The following HS6ST3 variants were observed in gnomAD, a reference collection of about 807,000 sequenced individuals.
HS6ST3 encodes the protein heparan sulfate 6-O-sulfotransferase 3.
A neutral mutation model predicts 36.7 loss-of-function variants in HS6ST3; 12 were observed. The observed-to-expected ratio is 0.33, with a 90% CI of 0.21 to 0.53. The LOEUF (loss-of-function observed/expected upper bound fraction) is 0.53, where lower values mean the gene tolerates loss of function less well. HS6ST3 is among the 20% of genes least tolerant of loss of function. The pLI, the probability that HS6ST3 is intolerant of heterozygous loss-of-function variation, is 0.95. For missense variants in HS6ST3, 584 were observed against 640.9 expected, an observed-to-expected ratio of 0.91 and a Z score of 0.96; for synonymous variants, 240 against 257.5, an observed-to-expected ratio of 0.93 and a Z score of 0.65.
At chr13:96,253,255 G>A (rs1323128795) in intron 1 of HS6ST3, among the ~76,000 whole-genome samples, 1 of 152,066 alleles carries the variant, frequency 6.6e-6, no homozygotes, top group African/African-American at 2.4e-5. Flanking sequence ...CTTGCTCCTA[G>A]ATGTCCCCAG....
intron 1 of HS6ST3, among the ~76,000 whole-genome samples, chr13:96,189,969 G>C (rs976427345): frequency 1.3e-5 from 2 of 152,142 alleles, no homozygotes; most frequent in African/African-American, 4.8e-5. Flanking sequence ...CATTGACTCA[G>C]ATCTTCTGAA....
chr13:96,145,234 C>T lies in HS6ST3; in HGVS notation c.707+53665C>T, dbSNP rs200557619. Reference sequence around the variant, plus strand: ...GATCCCTGAGGAATTGCCACATTGACTTCCACAATGGTTGAACTAGTTTAC... The same window carrying T: ...GATCCCTGAGGAATTGCCACATTGATTTCCACAATGGTTGAACTAGTTTAC... On this transcript the variant is annotated intron_variant, in intron 1 of 1. Transcript: ENST00000376705. Among the ~76,000 whole-genome samples the T allele has an allele frequency of 5.5e-4, 84 of 151,392 alleles. 1 individual carries two copies. The East Asian group carries it at 0.015, about 27-fold the overall frequency.
At chr13:96,747,012 A>G (rs534033087) in intron 1 of HS6ST3, among the ~76,000 whole-genome samples, 2 of 152,204 alleles carry the variant, frequency 1.3e-5, no homozygotes, top group African/African-American at 4.8e-5. Flanking sequence ...GACTTCCATT[A>G]TACTGCGAGA....
chr13:96,328,363 C>G (rs2139418874), intron 1 of HS6ST3, among the ~76,000 whole-genome samples: 1 of 151,526 alleles, frequency 6.6e-6, no homozygotes, highest in South Asian at 2.1e-4. Flanking sequence ...CCATCAATAC[C>G]TAATTTATTG....
chr13:96,252,044 G>T (rs1352397760), intron 1 of HS6ST3, among the ~76,000 whole-genome samples: 1 of 152,138 alleles, frequency 6.6e-6, no homozygotes, highest in Non-Finnish European at 1.5e-5. Flanking sequence ...AATGTTTCAT[G>T]TATGTCTGGT....
At chr13:96,762,351 G>T (rs1432056727) in intron 1 of HS6ST3, among the ~76,000 whole-genome samples, 1 of 152,088 alleles carries the variant, frequency 6.6e-6, no homozygotes, top group Non-Finnish European at 1.5e-5. Context: ...ATGGTGGTGG[G>T]TGCCTGTAAT....
chr13:96,617,997 A>G (rs1042159805), intron 1 of HS6ST3, among the ~76,000 whole-genome samples: 30 of 152,024 alleles, frequency 2.0e-4, no homozygotes, highest in African/African-American at 7.0e-4. Context: ...CTGAAACTCA[A>G]TAGTATACAT....
At chr13:96,108,657 C>T (rs899408235) in intron 1 of HS6ST3, among the ~76,000 whole-genome samples, 12 of 151,980 alleles carry the variant, frequency 7.9e-5, no homozygotes, top group African/African-American at 2.2e-4. Context: ...TCAGACCAGC[C>T]GACACTTAGG....
chr13:96,167,753 G>A (rs946075349), intron 1 of HS6ST3, among the ~76,000 whole-genome samples: 10 of 152,140 alleles, frequency 6.6e-5, no homozygotes, highest in African/African-American at 2.4e-4. Flanking sequence ...ATATGCAAGT[G>A]TCATATAGTA....
intron 1 of HS6ST3, among the ~76,000 whole-genome samples, chr13:96,309,473 G>C (rs909369363): frequency 5.9e-5 from 9 of 152,052 alleles, no homozygotes; most frequent in African/African-American, 1.9e-4. Flanking sequence ...TTACTTAGTG[G>C]AAAAATTTTC....
chr13:96,309,683 T>C (rs2054930868), intron 1 of HS6ST3, among the ~76,000 whole-genome samples: 1 of 152,180 alleles, frequency 6.6e-6, no homozygotes, highest in Non-Finnish European at 1.5e-5. Context: ...AGTAGTTGTT[T>C]TGGCAAAAAG....
In HS6ST3 at chr13:96,839,041, T is replaced by A. The variant is rs914606372; in HGVS notation, c.*5843T>A. 1 of 152,206 alleles carries A rather than the reference T, an allele frequency of 6.6e-6. No homozygotes were observed. The highest frequency in any genetic ancestry group is 2.4e-5 in the African/African-American group (1 of 41,448). 9.4% of individuals were successfully genotyped at this position (152,206 alleles called of 1,614,324 possible). A position where few individuals can be genotyped will look rare whatever the true frequency, so the allele number is the denominator to read the frequency against. On this transcript the variant is annotated 3_prime_UTR_variant, in exon 2 of 2. Coordinates refer to ENST00000376705, the MANE Select transcript of HS6ST3 (RefSeq NM_153456.4). ...CCTTTGGCACACTCAGTGGAACCTGTGTGAGCTACATGTTCTGCTGCATTA... is the reference window on the plus strand; with the variant it reads ...CCTTTGGCACACTCAGTGGAACCTGAGTGAGCTACATGTTCTGCTGCATTA...
chr13:96,195,357 G>T (rs2139348145), intron 1 of HS6ST3, among the ~76,000 whole-genome samples: 1 of 152,248 alleles, frequency 6.6e-6, no homozygotes, highest in Admixed American at 6.5e-5. Flanking sequence ...CTACTGTATA[G>T]CTTCGACGGT....
intron 1 of HS6ST3, among the ~76,000 whole-genome samples, chr13:96,763,946 T>C (rs1214706210): frequency 6.6e-6 from 1 of 152,176 alleles, no homozygotes; most frequent in Non-Finnish European, 1.5e-5. Context: ...TAAGCAGATT[T>C]TCAAAGGAAA....
intron 1 of HS6ST3, among the ~76,000 whole-genome samples, chr13:96,518,315 G>A (rs1278244562): frequency 6.6e-6 from 1 of 152,138 alleles, no homozygotes; most frequent in Non-Finnish European, 1.5e-5. Context: ...TAATGGGCAT[G>A]ATTGCAAACT....
chr13:96,779,316 CAAT>C (rs67524779), intron 1 of HS6ST3, among the ~76,000 whole-genome samples: 31,178 of 147,296 alleles, frequency 0.21, 5,278 homozygotes, highest in African/African-American at 0.48. Context: ...CTTAAAGTAT[CAAT>C]AATAATAATA....
intron 1 of HS6ST3, among the ~76,000 whole-genome samples, chr13:96,650,081 G>C (rs2056602419): frequency 6.6e-6 from 1 of 151,838 alleles, no homozygotes; most frequent in African/African-American, 2.4e-5. Flanking sequence ...TAGTAGGGCA[G>C]ACCCTGACAC....
chr13:96,285,690 G>A (rs1023899759), intron 1 of HS6ST3, among the ~76,000 whole-genome samples: 2 of 152,120 alleles, frequency 1.3e-5, no homozygotes, highest in Non-Finnish European at 2.9e-5. Flanking sequence ...TAAAGGACAA[G>A]GTATCTTTCG....
chr13:96,665,304 C>T (rs549619120), intron 1 of HS6ST3, among the ~76,000 whole-genome samples: 3 of 152,116 alleles, frequency 2.0e-5, no homozygotes, highest in African/African-American at 4.8e-5. Context: ...CTACATTGTG[C>T]CACATACATA....
Sources: allele counts gnomAD v4.1 joint callset (sites outside exome capture counted in the v4.1 genomes callset), GRCh38; gene constraint gnomAD v4.1.1; transcripts MANE v1.5; gene names NCBI Gene and HGNC (gene_info 2026-07-23, HGNC 2026-07-21).